SPAST: variants seen among roughly 807,000 people sequenced by gnomAD.
SPAST encodes spastic paraplegia 4 (autosomal dominant; spastin).
In SPAST, 30 loss-of-function variants were observed where a neutral mutation model predicts 76.6. The ratio of observed to expected loss-of-function variants is 0.39; its 90% confidence interval spans 0.29 to 0.53. The LOEUF (loss-of-function observed/expected upper bound fraction) is 0.53, where lower values mean the gene tolerates loss of function less well. Ranked by LOEUF, SPAST falls within the 20% of genes least tolerant of loss-of-function variation. The probability of loss-of-function intolerance (pLI) is 0.68; values close to 1 mark genes in which losing one functional copy is unlikely to be tolerated. For synonymous variants in SPAST, 305 were observed against 281.0 expected (o/e 1.09, Z -0.86); for missense variants, 717 against 770.5 (o/e 0.93, Z 0.82).
intron 1 of SPAST, among the ~76,000 whole-genome samples, chr2:32,071,043 G>A (rs1676728927): frequency 6.6e-6 from 1 of 152,164 alleles, no homozygotes; most frequent in African/African-American, 2.4e-5. Flanking sequence ...GAGCTCCTTG[G>A]AATATTTGGA....
intron 12 of SPAST, among the ~76,000 whole-genome samples, chr2:32,140,213 TC>T (rs1679671214): frequency 6.6e-6 from 1 of 152,200 alleles, no homozygotes; most frequent in Non-Finnish European, 1.5e-5. Context: ...GTATCTAATC[TC>T]CTTTCTGCTA....
intron 1 of SPAST, among the ~76,000 whole-genome samples, chr2:32,083,759 TATATATATATATATATA>T (rs1558620171): frequency 3.3e-5 from 3 of 91,152 alleles, no homozygotes; most frequent in East Asian, 3.4e-4. Context: ...ACTATATATA[TATATATATATATATATA>T]TTTTTTTTTT....
At chr2:32,098,435 C>G (rs944114094) in intron 3 of SPAST, among the ~76,000 whole-genome samples, 1 of 152,134 alleles carries the variant, frequency 6.6e-6, no homozygotes, top group Non-Finnish European at 1.5e-5. Flanking sequence ...GTACTTCAGC[C>G]TGGGTGACAG....
At chr2:32,108,680 G>A (rs1678416324) in intron 4 of SPAST, among the ~76,000 whole-genome samples, 1 of 150,846 alleles carries the variant, frequency 6.6e-6, no homozygotes, top group African/African-American at 2.4e-5. Context: ...CAAACTCCTG[G>A]GCTCAATCAT....
intron 5 of SPAST, 76 bp downstream of exon 5, chr2:32,114,901 T>C: frequency 9.6e-7 from 1 of 1,040,424 alleles, no homozygotes; most frequent in Non-Finnish European, 1.5e-6. Flanking sequence ...CCTGCTTAAG[T>C]TGATCATAAG....
intron 4 of SPAST, among the ~76,000 whole-genome samples, chr2:32,113,875 C>T (rs1282941308): frequency 6.6e-6 from 1 of 151,910 alleles, no homozygotes; most frequent in African/African-American, 2.4e-5. Context: ...CGCTTCATAA[C>T]CTTTTTATAT....
At position 32,131,697 on chromosome 2, in the gene SPAST, T is replaced by C. The variant is rs188716290; in HGVS notation, c.1245+3218T>C. ...TTTTTTTTTTTTTTTTTTTTTGAGA[T>C]GGAGTCTTGCTCTGGAGTGCAGTGG... On this transcript the variant is annotated intron_variant, in intron 9 of 16. Coordinates refer to ENST00000315285, the MANE Select transcript of SPAST (RefSeq NM_014946.4). Among the ~76,000 whole-genome samples, 240 of 121,306 alleles carry C rather than the reference T, an allele frequency of 2.0e-3. 2 individuals are homozygous for C. Among genetic ancestry groups the C allele is most frequent in the African/African-American group, 6.9e-3 (221 of 32,244 alleles). 79.6% of individuals were successfully genotyped at this position (121,306 alleles called of 152,430 possible).
chr2:32,153,406 C>T (rs1680152086), intron 16 of SPAST, among the ~76,000 whole-genome samples: 1 of 151,142 alleles, frequency 6.6e-6, no homozygotes, highest in Admixed American at 6.6e-5. Context: ...CACTTACAAC[C>T]TCCACCTCCC....
chr2:32,123,983 A>C (rs1210181379), intron 7 of SPAST, among the ~76,000 whole-genome samples: 2 of 148,868 alleles, frequency 1.3e-5, no homozygotes, highest in Non-Finnish European at 3.0e-5. Context: ...TCTTAGGTAC[A>C]ATACCAAAAC....
At position 32,098,823 on chromosome 2, in the gene SPAST, C is replaced by G. The variant is rs754862446; in HGVS notation, c.614C>G (p.Ser205Cys). 6.2e-7 allele frequency: 1 copy of G among 1,613,574 alleles called. No homozygotes were observed. The highest frequency in any genetic ancestry group is 1.1e-5 in the South Asian group (1 of 91,044). The change falls in exon 4 of 17, where the codon TCC becomes TGC. Residue 205 changes from serine to cysteine, a missense_variant. Physicochemically the swap from Ser to Cys is moderately radical, Grantham distance 112. This residue lies in a region of SPAST where 543 missense variants were observed against 445.2 expected (regional missense o/e 1.22). Transcript: ENST00000315285. ...LEKMQPVLPF[S>C]KSQTDVYNDS... is the part of the protein sequence containing the mutation. Reference sequence around the variant, plus strand: ...AAGATGCAACCAGTTTTGCCATTTTCCAAGTCACAAACGGACGTCTATAAT... The same window carrying G: ...AAGATGCAACCAGTTTTGCCATTTTGCAAGTCACAAACGGACGTCTATAAT...
rs375907519 is a variant in SPAST, at chr2:32,146,059, A to G, written c.1687+1052A>G. ...AATAGGGTGCTGATTAAGAACTGCT[A>G]CTTTGCAAAATAAAAAATGTAATCT... On this transcript the variant is annotated intron_variant, in intron 15 of 16. Coordinates refer to ENST00000315285, the MANE Select transcript of SPAST (RefSeq NM_014946.4). Among the ~76,000 whole-genome samples the G allele has an allele frequency of 3.3e-4, 51 of 152,350 alleles. 2 individuals are homozygous for G. Among genetic ancestry groups the G allele is most frequent in the Middle Eastern group, 6.8e-3 (2 of 294 alleles).
intron 6 of SPAST, 26 bp downstream of exon 6, chr2:32,115,861 A>G (rs758808321): frequency 1.7e-5 from 26 of 1,561,306 alleles, no homozygotes; most frequent in Non-Finnish European, 2.2e-5. Flanking sequence ...TAAATGTTTT[A>G]TTTTATAGTT....
chr2:32,097,160 G>A (rs182272335), intron 3 of SPAST, among the ~76,000 whole-genome samples: 12 of 152,290 alleles, frequency 7.9e-5, no homozygotes, highest in Non-Finnish European at 1.2e-4. Flanking sequence ...ACTCCACTTG[G>A]GGAAGAGAGT....
chr2:32,112,039 A>G (rs1388689569), intron 4 of SPAST, among the ~76,000 whole-genome samples: 1 of 147,906 alleles, frequency 6.8e-6, no homozygotes, highest in African/African-American at 2.5e-5. Flanking sequence ...TGGAGCCTCC[A>G]TCTCCCGGGT....
At position 32,098,338 on chromosome 2, in the gene SPAST, T is replaced by C. The variant is rs116678870; in HGVS notation, c.587-458T>C. Among the ~76,000 whole-genome samples, 664 of 152,216 alleles carry C rather than the reference T, an allele frequency of 4.4e-3. 9 individuals are homozygous for C. Among genetic ancestry groups the C allele is most frequent in the African/African-American group, 0.015 (627 of 41,536 alleles). On this transcript the variant is annotated intron_variant, in intron 3 of 16. Coordinates refer to ENST00000315285, the MANE Select transcript of SPAST (RefSeq NM_014946.4). Reference sequence around the variant, plus strand: ...TTAGCTGGGCATAGTGGTGTCTGTATGTAGTGTCAACTACTCAGGAGACTG... The same window carrying C: ...TTAGCTGGGCATAGTGGTGTCTGTACGTAGTGTCAACTACTCAGGAGACTG...
chr2:32,092,287 A>G (rs374955506), intron 3 of SPAST, among the ~76,000 whole-genome samples: 2 of 152,172 alleles, frequency 1.3e-5, no homozygotes, highest in South Asian at 4.1e-4. Flanking sequence ...ATATAATTAA[A>G]TAGTGTATTA....
intron 4 of SPAST, among the ~76,000 whole-genome samples, chr2:32,113,621 A>G (rs1326464286): frequency 7.6e-6 from 1 of 130,874 alleles, no homozygotes; most frequent in East Asian, 2.3e-4. Flanking sequence ...GCTGGAGTGC[A>G]GTAGTGCAAT....
intron 4 of SPAST, among the ~76,000 whole-genome samples, chr2:32,111,388 C>T (rs528923042): frequency 7.4e-4 from 105 of 141,634 alleles, no homozygotes; most frequent in South Asian, 1.9e-3. Flanking sequence ...TACTGTATAG[C>T]GTATAGAGTA....
intron 16 of SPAST, 25 bp downstream of exon 16, chr2:32,147,283 T>A: frequency 1.3e-6 from 2 of 1,506,012 alleles, no homozygotes; most frequent in Non-Finnish European, 1.8e-6. Context: ...AATGATATTT[T>A]CTTTGTCTTC....
Sources: allele counts gnomAD v4.1 joint callset (sites outside exome capture counted in the v4.1 genomes callset), GRCh38; gene constraint gnomAD v4.1.1; regional missense constraint gnomAD v4.1.1; transcripts MANE v1.5; gene names NCBI Gene and HGNC (gene_info 2026-07-23, HGNC 2026-07-21).